MORN4: variants seen among roughly 807,000 people sequenced by gnomAD.
The protein encoded by MORN4 is MORN repeat containing 4, also known as MORN repeat-containing protein 4.
Under a neutral mutation model 16.4 loss-of-function variants are expected in MORN4, and 8 were observed. That is an observed-to-expected ratio of 0.49 (90% CI 0.29 to 0.88). MORN4 has a LOEUF of 0.88. Among genes scored for constraint, MORN4 ranks in the 40% least tolerant of loss-of-function variants. The pLI is 0.09. For missense variants in MORN4, 159 were observed against 182.9 expected (o/e 0.87, Z 0.75); for synonymous variants, 53 against 68.9 (o/e 0.77, Z 1.14).
intron 1 of MORN4, among the ~76,000 whole-genome samples, chr10:97,623,513 A>G (rs2041321897): frequency 6.6e-6 from 1 of 152,170 alleles, no homozygotes; most frequent in African/African-American, 2.4e-5. Flanking sequence ...CTGAGTTCCA[A>G]CAGGACAAGG....
At chr10:97,621,855 G>C (rs2041297280) in intron 1 of MORN4, among the ~76,000 whole-genome samples, 1 of 151,564 alleles carries the variant, frequency 6.6e-6, no homozygotes, top group Admixed American at 6.6e-5. Context: ...ACAGAGTGAG[G>C]CTCTGTCTAA....
chr10:97,633,518 CCCATTGGCTGTTA>C, upstream of MORN4: 1 of 1,289,900 alleles, frequency 7.8e-7, no homozygotes, highest in Middle Eastern at 2.1e-4. The surrounding 1 kb of genome is among the most constrained non-coding windows in gnomAD (Gnocchi z 4.5). Context: ...ATTCCCGCTG[CCCATTGGCTGTTA>C]CCTAGGCAAC....
At chr10:97,633,721 C>T (rs530524113), upstream of MORN4, 1,034 of 1,131,604 alleles carry the variant, frequency 9.1e-4, 1 homozygote, top group South Asian at 1.2e-3. The surrounding 1 kb of genome is among the most constrained non-coding windows in gnomAD (Gnocchi z 4.5). Flanking sequence ...AAATGGCAAC[C>T]CCAAAGAAAA....
At chr10:97,633,641 T>C, upstream of MORN4, 1 of 1,280,586 alleles carries the variant, frequency 7.8e-7, no homozygotes, top group Non-Finnish European at 1.0e-6. This position sits in a 1 kb window ranked among gnomAD's most constrained non-coding sequence, Gnocchi z 4.5. Context: ...GAAAGAGGGG[T>C]GGTCCCACCT....
At chr10:97,627,810 G>A (rs1230823725) in intron 1 of MORN4, among the ~76,000 whole-genome samples, 7 of 152,144 alleles carry the variant, frequency 4.6e-5, no homozygotes, top group Non-Finnish European at 8.8e-5. Flanking sequence ...ACCTCTGGGA[G>A]CTATTTTCTG....
chr10:97,618,146 C>A (rs994139636), intron 2 of MORN4, among the ~76,000 whole-genome samples: 1 of 152,022 alleles, frequency 6.6e-6, no homozygotes, highest in African/African-American at 2.4e-5. Context: ...CCATTGCACT[C>A]CAGCTCGGGC....
chr10:97,632,129 C>T (rs1257204349), intron 1 of MORN4, among the ~76,000 whole-genome samples: 2 of 151,376 alleles, frequency 1.3e-5, no homozygotes, highest in East Asian at 1.9e-4. Flanking sequence ...CTTTTAGAAT[C>T]CTAAAGAGAA....
intron 1 of MORN4, among the ~76,000 whole-genome samples, chr10:97,632,113 C>T (rs954381202): frequency 6.6e-6 from 1 of 150,656 alleles, no homozygotes; most frequent in African/African-American, 2.5e-5. Flanking sequence ...GAAAGCAGTT[C>T]ATAAGCTTTT....
At chr10:97,628,863 T>C (rs2041371241) in intron 1 of MORN4, among the ~76,000 whole-genome samples, 1 of 152,242 alleles carries the variant, frequency 6.6e-6, no homozygotes, top group South Asian at 2.1e-4. Context: ...CTGTTAGCTC[T>C]TGGGGATTAT....
chr10:97,617,252 C>G lies in MORN4; in HGVS notation c.138G>C (p.Gly46=), dbSNP rs2041244404. The stretch of plus-strand genomic sequence containing the variant: ...TCAATACCCCAAAGCCATTAAAGAG[C>G]CCATTCTCAAAATGACCCAGGTAGG... ...GGTYLGHFEN[G]LFNGFGVLTF... The change falls in exon 3 of 5, where the codon GGG becomes GGC. Residue 46 remains glycine (G), a synonymous_variant. Coordinates refer to ENST00000307450, the MANE Select transcript of MORN4 (RefSeq NM_178832.4). 1.2e-6 allele frequency: 2 copies of G among 1,614,140 alleles called. No homozygotes were observed. Among genetic ancestry groups the G allele is most frequent in the African/African-American group, 2.7e-5 (2 of 75,032 alleles).
At chr10:97,616,584 A>G in intron 4 of MORN4, 94 bp downstream of exon 4, 1 of 1,259,688 alleles carries the variant, frequency 7.9e-7, no homozygotes, top group East Asian at 2.3e-5. Flanking sequence ...GCCACTATGG[A>G]TTGCTGGACA....
In MORN4 at chr10:97,617,228, C is replaced by A. The variant is rs1370370957; in HGVS notation, c.162G>T (p.Leu54Phe). 1 of 1,614,060 alleles carries A rather than the reference C, an allele frequency of 6.2e-7. No individual in the cohort carries two copies. The highest frequency in any genetic ancestry group is 8.5e-7 in the Non-Finnish European group (1 of 1,179,924). ...ENGLFNGFGV[L>F]TFSDGSRYEG... ...CCCACCTTGAACCATCTGAGAAGGTCAATACCCCAAAGCCATTAAAGAGCC... is the reference window on the plus strand; with the variant it reads ...CCCACCTTGAACCATCTGAGAAGGTAAATACCCCAAAGCCATTAAAGAGCC... The change falls in exon 3 of 5, where the codon TTG becomes TTT. Residue 54 changes from leucine (L) to phenylalanine (F), a missense_variant. By Grantham distance (22) the Leu-to-Phe change is conservative (BLOSUM62 0). Coordinates refer to ENST00000307450, the MANE Select transcript of MORN4 (RefSeq NM_178832.4).
chr10:97,621,018 G>A (rs1336456515), intron 1 of MORN4, among the ~76,000 whole-genome samples: 1 of 152,006 alleles, frequency 6.6e-6, no homozygotes, highest in Non-Finnish European at 1.5e-5. Flanking sequence ...CTACTCAGGA[G>A]GCTGAGGCAG....
At chr10:97,631,307 C>G (rs895336046) in intron 1 of MORN4, among the ~76,000 whole-genome samples, 3 of 152,178 alleles carry the variant, frequency 2.0e-5, no homozygotes, top group African/African-American at 7.2e-5. Context: ...GACACTCACC[C>G]TTTCTGCACT....
rs2041224136 is a variant in MORN4, at chr10:97,614,960, A to G, written c.*1303T>C. ...CATCCGTATGAATTCAGTTCACTCC[A>G]TGGTAGTGCCTGAAGTGGCCTAAAT... On this transcript the variant is annotated 3_prime_UTR_variant, in exon 5 of 5. Transcript: ENST00000307450. The G allele has an allele frequency of 6.6e-6, 1 of 152,660 alleles. No homozygotes were observed. Among genetic ancestry groups the G allele is most frequent in the African/African-American group, 2.4e-5 (1 of 41,456 alleles). The allele number at this position is 152,660 out of a possible 1,614,324, so 9.5% of individuals were successfully genotyped here.
At chr10:97,633,557 T>A (rs765278564), upstream of MORN4, 2 of 1,289,732 alleles carry the variant, frequency 1.6e-6, no homozygotes, top group Non-Finnish European at 2.0e-6. This position sits in a 1 kb window ranked among gnomAD's most constrained non-coding sequence, Gnocchi z 4.5. Flanking sequence ...GCAACGCCAC[T>A]CCGCATTGGC....
rs1366799760 is a variant in MORN4 at position 97,617,193 on chromosome 10, T to G, written c.182+15A>C. On this transcript the variant is annotated intron_variant, in intron 3 of 4. Coordinates refer to ENST00000307450, the MANE Select transcript of MORN4 (RefSeq NM_178832.4). Reference sequence around the variant, plus strand: ...CCCTTATTTAAGGCTAAGAAAGGAATGACCTCATACCCACCTTGAACCATC... The same window carrying G: ...CCCTTATTTAAGGCTAAGAAAGGAAGGACCTCATACCCACCTTGAACCATC... The G allele has an allele frequency of 6.3e-7, 1 of 1,595,932 alleles. No individual in the cohort carries two copies. The highest frequency in any genetic ancestry group is 1.7e-5 in the Admixed American group (1 of 59,964).
At chr10:97,622,564 G>A (rs1410743829) in intron 1 of MORN4, among the ~76,000 whole-genome samples, 1 of 151,692 alleles carries the variant, frequency 6.6e-6, no homozygotes, top group Non-Finnish European at 1.5e-5. Context: ...GTGTGGTGGT[G>A]CGTTCCTGTA....
intron 1 of MORN4, among the ~76,000 whole-genome samples, chr10:97,623,537 A>G (rs1470101987): frequency 6.6e-6 from 1 of 152,136 alleles, no homozygotes; most frequent in Non-Finnish European, 1.5e-5. Flanking sequence ...CATTCTCCTC[A>G]GAGTACTGGG....
Sources: allele counts gnomAD v4.1 joint callset (sites outside exome capture counted in the v4.1 genomes callset), GRCh38; gene constraint gnomAD v4.1.1; non-coding constraint Gnocchi (gnomAD v3.1); transcripts MANE v1.5; gene names NCBI Gene and HGNC (gene_info 2026-07-23, HGNC 2026-07-21).